Variants in CADPS observed in about 807,000 individuals in gnomAD.
The protein encoded by CADPS is calcium dependent secretion activator, also known as calcium-dependent secretion activator 1.
In CADPS, 57 loss-of-function variants were observed where a neutral mutation model predicts 167.3. The ratio of observed to expected loss-of-function variants is 0.34; its 90% CI spans 0.28 to 0.42. The LOEUF (loss-of-function observed/expected upper bound fraction) is 0.42, where lower values mean the gene tolerates loss of function less well. Ranked by LOEUF, CADPS falls within the 20% of genes least tolerant of loss-of-function variation. CADPS has a pLI of 1.00. For missense variants in CADPS, 1,414 were observed against 1,738.1 expected (o/e 0.81, Z 3.32); for synonymous variants, 676 against 635.3 (o/e 1.06, Z -0.96).
At chr3:62,575,248 T>C (rs1265674677) in intron 8 of CADPS, among the ~76,000 whole-genome samples, 1 of 152,218 alleles carries the variant, frequency 6.6e-6, no homozygotes, top group Non-Finnish European at 1.5e-5. Flanking sequence ...AACTATTTCT[T>C]CATAATAAAA....
chr3:62,542,104 A>G (rs933103304), intron 11 of CADPS, among the ~76,000 whole-genome samples: 3 of 152,160 alleles, frequency 2.0e-5, no homozygotes, highest in Non-Finnish European at 4.4e-5. Context: ...GAAAATAATT[A>G]TGATTATATT....
chr3:62,744,592 T>C (rs1482586287), intron 3 of CADPS, among the ~76,000 whole-genome samples: 3 of 152,232 alleles, frequency 2.0e-5, no homozygotes, highest in Non-Finnish European at 2.9e-5. Context: ...TGGCTTATCA[T>C]AGATTTTGTT....
intron 6 of CADPS, among the ~76,000 whole-genome samples, chr3:62,596,604 T>C (rs2148918268): frequency 6.6e-6 from 1 of 152,340 alleles, no homozygotes; most frequent in African/African-American, 2.4e-5. Flanking sequence ...GTTGGAAACA[T>C]TCAAAATCCT....
chr3:62,621,039 C>T (rs2063093469), intron 6 of CADPS, among the ~76,000 whole-genome samples: 1 of 152,176 alleles, frequency 6.6e-6, no homozygotes, highest in Non-Finnish European at 1.5e-5. Flanking sequence ...AGGACAAACT[C>T]AACACTCTCT....
intron 13 of CADPS, among the ~76,000 whole-genome samples, chr3:62,525,609 C>T (rs971444723): frequency 6.7e-6 from 1 of 150,242 alleles, no homozygotes; most frequent in Non-Finnish European, 1.5e-5. Flanking sequence ...CAGAGCTATC[C>T]CCACTACACA....
intron 6 of CADPS, among the ~76,000 whole-genome samples, chr3:62,594,310 C>T (rs566915308): frequency 2.0e-5 from 3 of 151,122 alleles, no homozygotes; most frequent in South Asian, 4.2e-4. Context: ...TACAGGCGCC[C>T]GCCACTATGC....
At chr3:62,432,499 A>G (rs2054187112) in intron 28 of CADPS, among the ~76,000 whole-genome samples, 1 of 152,206 alleles carries the variant, frequency 6.6e-6, no homozygotes, top group Non-Finnish European at 1.5e-5. Flanking sequence ...CTTGGGGTTA[A>G]TGTCTTAAAG....
chr3:62,694,945 C>G (rs2079996981), intron 3 of CADPS, among the ~76,000 whole-genome samples: 1 of 152,026 alleles, frequency 6.6e-6, no homozygotes, highest in Non-Finnish European at 1.5e-5. Flanking sequence ...ACGGGCCCAG[C>G]AATCAAGGGT....
At chr3:62,464,893 T>TG (rs2059767030) in intron 26 of CADPS, among the ~76,000 whole-genome samples, 1 of 152,170 alleles carries the variant, frequency 6.6e-6, no homozygotes, top group Non-Finnish European at 1.5e-5. Context: ...GAATTTTCTG[T>TG]GAATTCTCCT....
chr3:62,478,479 C>T lies in CADPS; in HGVS notation c.3174-63G>A, dbSNP rs1169959983. The T allele has an allele frequency of 2.0e-6, 3 of 1,497,378 alleles. No individual in the cohort carries two copies. The highest frequency in any genetic ancestry group is 2.7e-6 in the Non-Finnish European group (3 of 1,096,988). The allele number at this position is 1,497,378 out of a possible 1,614,324, so 92.8% of individuals were successfully genotyped here. A position where few individuals can be genotyped will look rare whatever the true frequency, so the allele number is the denominator to read the frequency against. On this transcript the variant is annotated intron_variant, in intron 22 of 29. Transcript: ENST00000383710. This position sits in a 1 kb window ranked among gnomAD's most constrained non-coding sequence, Gnocchi z 5.7. Reference sequence around the variant, plus strand: ...TGGCCTCAGGCTCTACAAAAACTAACACAGAGACAACTGGGGGCTAGAAGG... The same window carrying T: ...TGGCCTCAGGCTCTACAAAAACTAATACAGAGACAACTGGGGGCTAGAAGG...
At chr3:62,445,376 C>T (rs1325432744) in intron 27 of CADPS, among the ~76,000 whole-genome samples, 4 of 151,962 alleles carry the variant, frequency 2.6e-5, no homozygotes, top group African/African-American at 9.7e-5. Flanking sequence ...TTTCATCAAC[C>T]TAACAAAAAA....
chr3:62,628,623 G>GC (rs1554012340), intron 6 of CADPS, among the ~76,000 whole-genome samples: 1 of 20,572 alleles, frequency 4.9e-5, no homozygotes, highest in African/African-American at 1.1e-4. Flanking sequence ...TCAACCATGA[G>GC]CCTTTTTTTT....
chr3:62,862,837 T>C (rs1157744716), intron 1 of CADPS, among the ~76,000 whole-genome samples: 1 of 152,244 alleles, frequency 6.6e-6, no homozygotes, highest in Non-Finnish European at 1.5e-5. Flanking sequence ...GAGGAAGCCC[T>C]AGTTGCAGTT....
At chr3:62,853,216 C>T (rs2078976235) in intron 1 of CADPS, among the ~76,000 whole-genome samples, 1 of 152,120 alleles carries the variant, frequency 6.6e-6, no homozygotes, top group African/African-American at 2.4e-5. Context: ...GAAAGAACTT[C>T]CAGAAAATAA....
At chr3:62,467,373 G>A in intron 24 of CADPS, 3 of 864,352 alleles carry the variant, frequency 3.5e-6, no homozygotes, top group South Asian at 1.7e-5. Flanking sequence ...ATACAAATTA[G>A]GACAAAAGGA....
At chr3:62,639,065 A>C (rs1217208781) in intron 6 of CADPS, among the ~76,000 whole-genome samples, 1 of 152,066 alleles carries the variant, frequency 6.6e-6, no homozygotes, top group Non-Finnish European at 1.5e-5. Flanking sequence ...ACAAACACAC[A>C]CAAACTGGTC....
chr3:62,720,791 A>G (rs1253552426), intron 3 of CADPS, among the ~76,000 whole-genome samples: 2 of 149,966 alleles, frequency 1.3e-5, no homozygotes, highest in African/African-American at 4.9e-5. Context: ...CATTCTTTCC[A>G]TATTGTCCAT....
At chr3:62,532,773 G>T in intron 13 of CADPS, 98 bp downstream of exon 13, 3 of 1,006,338 alleles carry the variant, frequency 3.0e-6, no homozygotes, top group Non-Finnish European at 4.5e-6. Context: ...ACCACCGAAG[G>T]AATGAAGACA....
At position 62,632,872 on chromosome 3, in the gene CADPS, T is replaced by C. The variant is rs1407138086; in HGVS notation, c.1325+12850A>G. On this transcript the variant is annotated intron_variant, in intron 6 of 29. Transcript: ENST00000383710. ...TAAAGTGGAAAAAGAACAAATTTGG[T>C]ACAGCTGTAGAATAATCCTTATGGG... is the stretch of plus-strand genomic sequence containing the variant. 2.0e-5 allele frequency among the ~76,000 whole-genome samples: 3 copies of C among 152,090 alleles called. No individual in the cohort carries two copies. The East Asian group carries it at 5.8e-4, about 29-fold the overall frequency.
Sources: allele counts gnomAD v4.1 joint callset (sites outside exome capture counted in the v4.1 genomes callset), GRCh38; gene constraint gnomAD v4.1.1; non-coding constraint Gnocchi (gnomAD v3.1); transcripts MANE v1.5; gene names NCBI Gene and HGNC (gene_info 2026-07-23, HGNC 2026-07-21).